Variants in LAPTM4A observed in about 807,000 individuals in gnomAD.
The protein encoded by LAPTM4A is lysosomal protein transmembrane 4 alpha.
In LAPTM4A, 19 loss-of-function variants were observed where a neutral mutation model predicts 29.9. That is an observed-to-expected ratio of 0.64 (90% CI 0.44 to 0.93). The LOEUF (loss-of-function observed/expected upper bound fraction) is 0.93, where lower values mean the gene tolerates loss of function less well. Ranked by LOEUF, LAPTM4A falls within the 40% of genes least tolerant of loss-of-function variation. The probability of loss-of-function intolerance (pLI) is 0.00; values close to 1 mark genes in which losing one functional copy is unlikely to be tolerated. For missense variants in LAPTM4A, 293 were observed against 288.5 expected, an observed-to-expected ratio of 1.02 and a Z score of -0.11; for synonymous variants, 105 against 102.1, an observed-to-expected ratio of 1.03 and a Z score of -0.17.
At chr2:20,037,093 G>A (rs1276557000) in intron 4 of LAPTM4A, among the ~76,000 whole-genome samples, 2 of 152,074 alleles carry the variant, frequency 1.3e-5, no homozygotes, top group African/African-American at 4.8e-5. Context: ...CCATTTCTAG[G>A]AACTCTTAAT....
Position 20,037,561 on chromosome 2 carries a change from T to C in LAPTM4A, c.286A>G (p.Met96Val), listed in dbSNP as rs751339010. ...ACAGAAATTGCTCCATAAACCAGCA[T>C]TGAACTGATTATAAACATAAGAACA... ...VSVLMFIISSMLVYGAISYQV... is the reference protein window; with the variant it reads ...VSVLMFIISSVLVYGAISYQV... The change falls in exon 3 of 7, where the codon ATG becomes GTG. Residue 96 changes from methionine to valine, a missense_variant. Physicochemically the swap from Met to Val is conservative, Grantham distance 21 (BLOSUM62 1). Coordinates refer to ENST00000175091, the MANE Select transcript of LAPTM4A (RefSeq NM_014713.5). The C allele has an allele frequency of 6.6e-5, 106 of 1,610,404 alleles. No homozygotes were observed. Among genetic ancestry groups the C allele is most frequent in the South Asian group, 1.5e-4 (14 of 90,366 alleles).
intron 4 of LAPTM4A, among the ~76,000 whole-genome samples, chr2:20,035,918 G>A (rs1259999890): frequency 6.6e-6 from 1 of 151,300 alleles, no homozygotes; most frequent in Non-Finnish European, 1.5e-5. Context: ...AACATAAACA[G>A]AAATCCCAAA....
intron 1 of LAPTM4A, among the ~76,000 whole-genome samples, chr2:20,042,846 T>C (rs1050850466): frequency 1.8e-4 from 28 of 152,200 alleles, no homozygotes; most frequent in Non-Finnish European, 1.9e-4. Context: ...CTTCCTTATC[T>C]AGCATAGTAA....
At chr2:20,037,266 AT>A in intron 4 of LAPTM4A, 49 bp downstream of exon 4, 2 of 1,452,596 alleles carry the variant, frequency 1.4e-6, no homozygotes, top group Non-Finnish European at 1.9e-6. Flanking sequence ...AAATGTAAAC[AT>A]TTTACTCAAA....
At chr2:20,050,842 C>T (rs769542988) in intron 1 of LAPTM4A, among the ~76,000 whole-genome samples, 1 of 152,208 alleles carries the variant, frequency 6.6e-6, no homozygotes, top group African/African-American at 2.4e-5. Context: ...CAAAAGCTAT[C>T]GCCCCCAAGC....
intron 3 of LAPTM4A, 34 bp from the exon 4 acceptor site, chr2:20,037,472 A>C: frequency 6.2e-7 from 1 of 1,603,514 alleles, no homozygotes; most frequent in East Asian, 2.2e-5. Context: ...ACATTGTATC[A>C]CATATAGGAA....
At chr2:20,051,051 C>T (rs1674054562) in intron 1 of LAPTM4A, among the ~76,000 whole-genome samples, 1 of 152,158 alleles carries the variant, frequency 6.6e-6, no homozygotes, top group South Asian at 2.1e-4. Flanking sequence ...GGAGATGCTG[C>T]CTTTCAGATC....
chr2:20,041,270 A>G (rs1195425152), intron 1 of LAPTM4A, among the ~76,000 whole-genome samples: 1 of 152,240 alleles, frequency 6.6e-6, no homozygotes, highest in Non-Finnish European at 1.5e-5. Context: ...GAAAAAAATT[A>G]AAACTAAAGA....
chr2:20,034,930 A>C (rs1296286870), intron 5 of LAPTM4A, 37 bp downstream of exon 5: 1 of 1,452,920 alleles, frequency 6.9e-7, no homozygotes, highest in Admixed American at 1.7e-5. Flanking sequence ...CACAGTGTCA[A>C]TCTCAGTCAC....
At chr2:20,042,807 C>T (rs1673829686) in intron 1 of LAPTM4A, among the ~76,000 whole-genome samples, 1 of 152,172 alleles carries the variant, frequency 6.6e-6, no homozygotes, top group Non-Finnish European at 1.5e-5. Flanking sequence ...CGACTCAAGA[C>T]AGAAATCTCA....
intron 1 of LAPTM4A, among the ~76,000 whole-genome samples, chr2:20,048,878 T>C (rs576627295): frequency 2.9e-4 from 44 of 152,220 alleles, no homozygotes; most frequent in Non-Finnish European, 4.9e-4. Context: ...TATACTACAG[T>C]TTGGCTTAGG....
chr2:20,039,841 G>A (rs1673756813), intron 2 of LAPTM4A, among the ~76,000 whole-genome samples: 2 of 152,132 alleles, frequency 1.3e-5, no homozygotes, highest in South Asian at 4.1e-4. Flanking sequence ...ATCACCTAAG[G>A]TCGGGAGTTC....
intron 1 of LAPTM4A, among the ~76,000 whole-genome samples, chr2:20,043,359 C>T (rs779297400): frequency 6.6e-6 from 1 of 151,938 alleles, no homozygotes; most frequent in East Asian, 1.9e-4. Context: ...GGACTACAGG[C>T]GTGCACCATT....
At chr2:20,042,845 C>T (rs765810630) in intron 1 of LAPTM4A, among the ~76,000 whole-genome samples, 1 of 152,184 alleles carries the variant, frequency 6.6e-6, no homozygotes, top group African/African-American at 2.4e-5. Context: ...GCTTCCTTAT[C>T]TAGCATAGTA....
At chr2:20,046,714 A>G (rs1381845271) in intron 1 of LAPTM4A, among the ~76,000 whole-genome samples, 2 of 142,584 alleles carry the variant, frequency 1.4e-5, no homozygotes, top group Admixed American at 7.3e-5. Flanking sequence ...TTTTATATAT[A>G]TTTATATATT....
intron 2 of LAPTM4A, among the ~76,000 whole-genome samples, chr2:20,039,570 A>T (rs935795183): frequency 2.0e-5 from 3 of 151,978 alleles, no homozygotes; most frequent in African/African-American, 7.3e-5. Context: ...CCTGGTAAAG[A>T]CAGGGAGACC....
At chr2:20,040,312 A>G (rs1294333498) in intron 2 of LAPTM4A, among the ~76,000 whole-genome samples, 1 of 152,154 alleles carries the variant, frequency 6.6e-6, no homozygotes, top group East Asian at 1.9e-4. Flanking sequence ...AGTCCATTAC[A>G]TTTTCTGGCT....
In LAPTM4A at chr2:20,033,182, T is replaced by A; in HGVS notation, c.*23A>T. 1 of 1,598,808 alleles carries A rather than the reference T, an allele frequency of 6.3e-7. No homozygotes were observed. Among genetic ancestry groups the A allele is most frequent in the Non-Finnish European group, 8.6e-7 (1 of 1,166,034 alleles). On this transcript the variant is annotated 3_prime_UTR_variant, in exon 7 of 7. Coordinates refer to ENST00000175091, the MANE Select transcript of LAPTM4A (RefSeq NM_014713.5). Reference sequence around the variant, plus strand: ...AACAAACAAAAAGCTGGTATAGGATTTATTGTCAAAGGCAGAATTTCTTCA... The same window carrying A: ...AACAAACAAAAAGCTGGTATAGGATATATTGTCAAAGGCAGAATTTCTTCA...
intron 4 of LAPTM4A, among the ~76,000 whole-genome samples, chr2:20,036,199 C>A (rs942019729): frequency 6.6e-6 from 1 of 151,248 alleles, no homozygotes; most frequent in Non-Finnish European, 1.5e-5. Context: ...AACAGCCCTG[C>A]CCCTGGCCAC....
Sources: allele counts gnomAD v4.1 joint callset (sites outside exome capture counted in the v4.1 genomes callset), GRCh38; gene constraint gnomAD v4.1.1; transcripts MANE v1.5; gene names NCBI Gene and HGNC (gene_info 2026-07-23, HGNC 2026-07-21).